PPP2R2C: variants seen among roughly 807,000 people sequenced by gnomAD.
The protein encoded by PPP2R2C is protein phosphatase 2, regulatory subunit B, gamma.
PPP2R2C carries 10 observed loss-of-function variants against 45.3 expected under a neutral mutation model. The ratio of observed to expected loss-of-function variants is 0.22; its 90% CI spans 0.14 to 0.37. PPP2R2C has a LOEUF of 0.37. Among genes scored for constraint, PPP2R2C ranks in the 10% least tolerant of loss-of-function variants. The pLI, the probability that PPP2R2C is intolerant of heterozygous loss-of-function variation, is 1.00. For synonymous variants in PPP2R2C, 257 were observed against 245.4 expected (o/e 1.05, Z -0.44); for missense variants, 308 against 619.7 (o/e 0.50, Z 5.34).
At chr4:6,382,739 C>A in intron 1 of PPP2R2C, 1 of 558,756 alleles carries the variant, frequency 1.8e-6, no homozygotes, top group Non-Finnish European at 2.7e-6. Context: ...CCTGCCTGCT[C>A]AGCCTTCACA....
intron 2 of PPP2R2C, among the ~76,000 whole-genome samples, chr4:6,494,145 C>T (rs375613668): frequency 2.6e-5 from 4 of 152,218 alleles, no homozygotes; most frequent in Admixed American, 1.3e-4. Flanking sequence ...TCTGCTGACA[C>T]GGCTGGGGCA....
At chr4:6,400,421 C>A (rs1305712578) in intron 1 of PPP2R2C, among the ~76,000 whole-genome samples, 2 of 152,112 alleles carry the variant, frequency 1.3e-5, no homozygotes, top group Non-Finnish European at 2.9e-5. Context: ...TCATATAAAT[C>A]TTTTTAACTG....
intron 2 of PPP2R2C, among the ~76,000 whole-genome samples, chr4:6,480,526 C>T (rs1722314278): frequency 6.6e-6 from 1 of 152,164 alleles, no homozygotes; most frequent in African/African-American, 2.4e-5. Flanking sequence ...TACGAGCATA[C>T]CATTAATGTA....
rs114496518 is a variant in PPP2R2C, at chr4:6,501,792, C to T, written c.49+33479G>A. 4.7e-3 allele frequency among the ~76,000 whole-genome samples: 723 copies of T among 152,348 alleles called. 2 individuals carry two copies. Among genetic ancestry groups the T allele is most frequent in the African/African-American group, 0.016 (677 of 41,582 alleles). ...GGCCCTCAGTCTGCTCTCTCAACCA[C>T]GAGGACCTCAGCCTCCAGAGGACAG... is the stretch of plus-strand genomic sequence containing the variant. On this transcript the variant is annotated intron_variant, in intron 2 of 9. Coordinates refer to the PPP2R2C transcript ENST00000506140.
At position 6,378,252 on chromosome 4, in the gene PPP2R2C, C is replaced by A; in HGVS notation, c.334+155G>T. 1.1e-6 allele frequency: 1 copy of A among 942,258 alleles called. No individual in the cohort carries two copies. Among genetic ancestry groups the A allele is most frequent in the East Asian group, 1.2e-4 (1 of 8,552 alleles). The allele number at this position is 942,258 out of a possible 1,614,324, so 58.4% of individuals were successfully genotyped here. On this transcript the variant is annotated intron_variant, in intron 3 of 8. Transcript: ENST00000382599. This position sits in a 1 kb window ranked among gnomAD's most constrained non-coding sequence, Gnocchi z 5.2. ...CGTCTGAGGGGGTCTGGCATACTCA[C>A]TCATGGGATTTATATGCTGCTCAAA...
intron 2 of PPP2R2C, among the ~76,000 whole-genome samples, chr4:6,379,596 G>A (rs4327561): frequency 0.8 from 121,007 of 152,210 alleles, 48,737 homozygotes; most frequent in Non-Finnish European, 0.88. Flanking sequence ...CAACCAATCC[G>A]ATCTCTTTCT....
chr4:6,525,529 A>G (rs1317402625), intron 2 of PPP2R2C, among the ~76,000 whole-genome samples: 3 of 152,168 alleles, frequency 2.0e-5, no homozygotes, highest in Non-Finnish European at 4.4e-5. Flanking sequence ...CCAGGCCACA[A>G]TGGGACCGGA....
At chr4:6,534,088 A>G (rs1194101384) in intron 2 of PPP2R2C, among the ~76,000 whole-genome samples, 1 of 151,104 alleles carries the variant, frequency 6.6e-6, no homozygotes, top group Admixed American at 6.6e-5. Context: ...ATACACATCA[A>G]CACATACACT....
chr4:6,327,994 A>G (rs2109157798), intron 8 of PPP2R2C, among the ~76,000 whole-genome samples: 1 of 151,804 alleles, frequency 6.6e-6, no homozygotes, highest in South Asian at 2.1e-4. Context: ...CATCCCACAC[A>G]CCAACCCTGA....
At chr4:6,541,552 TTG>T (rs1427917439) in intron 1 of PPP2R2C, among the ~76,000 whole-genome samples, 1 of 152,008 alleles carries the variant, frequency 6.6e-6, no homozygotes, top group Non-Finnish European at 1.5e-5. Context: ...TTTCGTTTGT[TTG>T]TTTGTTTGGT....
At chr4:6,356,940 C>A (rs1162409409) in intron 5 of PPP2R2C, among the ~76,000 whole-genome samples, 1 of 150,174 alleles carries the variant, frequency 6.7e-6, no homozygotes, top group Admixed American at 6.6e-5. Context: ...CCTCAAATCC[C>A]CCTTTCATCT....
chr4:6,352,176 C>T (rs1346341539), intron 5 of PPP2R2C, among the ~76,000 whole-genome samples: 1 of 152,188 alleles, frequency 6.6e-6, no homozygotes, highest in East Asian at 1.9e-4. Flanking sequence ...TAGGCAGGAC[C>T]AGCACCAGGT....
At chr4:6,335,412 C>T (rs1282903202) in intron 6 of PPP2R2C, among the ~76,000 whole-genome samples, 2 of 152,010 alleles carry the variant, frequency 1.3e-5, no homozygotes, top group African/African-American at 4.8e-5. Flanking sequence ...AGGGACGGCA[C>T]ACGCAAGGGC....
chr4:6,387,181 A>G (rs1446083532), intron 1 of PPP2R2C, among the ~76,000 whole-genome samples: 1 of 151,880 alleles, frequency 6.6e-6, no homozygotes, highest in Non-Finnish European at 1.5e-5. Flanking sequence ...TAAAAAGAAC[A>G]CATAAAAAAA....
At chr4:6,511,420 ATGG>A (rs1248131628) in intron 2 of PPP2R2C, among the ~76,000 whole-genome samples, 8 of 82,026 alleles carry the variant, frequency 9.8e-5, no homozygotes, top group Non-Finnish European at 1.9e-4. Context: ...GGTGACAGTG[ATGG>A]TGGTGATGGT....
At chr4:6,425,004 AT>A (rs1436142147) in intron 1 of PPP2R2C, among the ~76,000 whole-genome samples, 1 of 152,216 alleles carries the variant, frequency 6.6e-6, no homozygotes, top group Admixed American at 6.5e-5. Context: ...TAGGGCCATC[AT>A]GAAGAATGCC....
rs181089627 is a variant in PPP2R2C at position 6,378,854 on chromosome 4, C to G, written c.169-282G>C. ...AGCGCCTGCTACAAGCTGGACACCCCACTAAGTCCTCCCCGCACCATCGCA... is the reference window on the plus strand; with the variant it reads ...AGCGCCTGCTACAAGCTGGACACCCGACTAAGTCCTCCCCGCACCATCGCA... On this transcript the variant is annotated intron_variant, in intron 2 of 8. Coordinates refer to ENST00000382599, the MANE Select transcript of PPP2R2C (RefSeq NM_020416.4). The surrounding 1 kb of genome is among the most constrained non-coding windows in gnomAD (Gnocchi z 5.2). Among the ~76,000 whole-genome samples, 109 of 152,024 alleles carry G rather than the reference C, an allele frequency of 7.2e-4. 1 individual carries two copies. In the East Asian group the frequency reaches 0.015, roughly 21 times the overall value.
At chr4:6,333,869 A>C in intron 6 of PPP2R2C, 138 bp from the exon 7 acceptor site, 2 of 901,814 alleles carry the variant, frequency 2.2e-6, no homozygotes, top group Non-Finnish European at 1.7e-6. Flanking sequence ...CTAGAACTAA[A>C]CACTTACCAG....
Position 6,345,321 on chromosome 4 carries a change from A to G in PPP2R2C, c.790+2525T>C, listed in dbSNP as rs1383346481. Among the ~76,000 whole-genome samples the G allele has an allele frequency of 6.6e-6, 1 of 152,192 alleles. No individual in the cohort carries two copies. The highest frequency in any genetic ancestry group is 6.5e-5 in the Admixed American group (1 of 15,278). The stretch of plus-strand genomic sequence containing the variant: ...GGGCGGGAGGCGTAGGTGGGGGGGC[A>G]GTGTCCTGTAGTAGGCGGTGGAACG... On this transcript the variant is annotated intron_variant, in intron 6 of 8. Coordinates refer to ENST00000382599, the MANE Select transcript of PPP2R2C (RefSeq NM_020416.4). The surrounding 1 kb of genome is among the most constrained non-coding windows in gnomAD (Gnocchi z 5.3).
Sources: gnomAD v4.1 joint callset for allele counts (sites outside exome capture counted in the v4.1 genomes callset) on GRCh38, gnomAD v4.1.1 for gene constraint, Gnocchi (gnomAD v3.1) non-coding constraint, MANE v1.5 for transcripts, NCBI Gene and HGNC (gene_info 2026-07-23, HGNC 2026-07-21) for gene names.